PSMD11: variants seen among roughly 807,000 people sequenced by gnomAD.
PSMD11 encodes 26S proteasome non-ATPase regulatory subunit 11.
PSMD11 carries 5 observed loss-of-function variants against 62.3 expected under a neutral mutation model. That is an observed-to-expected ratio of 0.08 (90% CI 0.04 to 0.17). PSMD11 has a LOEUF of 0.17. Ranked by LOEUF, PSMD11 falls within the 10% of genes least tolerant of loss-of-function variation. The probability of loss-of-function intolerance (pLI) is 1.00; values close to 1 mark genes in which losing one functional copy is unlikely to be tolerated. For missense variants in PSMD11, 310 were observed against 512.9 expected, an observed-to-expected ratio of 0.60 and a Z score of 3.82; for synonymous variants, 191 against 191.8, an observed-to-expected ratio of 1.00 and a Z score of 0.03.
intron 6 of PSMD11, among the ~76,000 whole-genome samples, chr17:32,470,561 A>G (rs1320561307): frequency 6.6e-6 from 1 of 152,244 alleles, no homozygotes; most frequent in East Asian, 1.9e-4. Context: ...TGCTAGGATT[A>G]TAGGCATGAG....
At chr17:32,459,115 CATATATATATAT>C (rs10595066) in intron 3 of PSMD11, among the ~76,000 whole-genome samples, 16 of 111,884 alleles carry the variant, frequency 1.4e-4, no homozygotes, top group Admixed American at 3.1e-4. Flanking sequence ...AAAAAAAATA[CATATATATATAT>C]ATATATATAT....
Position 32,477,347 on chromosome 17 carries a change from T to C in PSMD11, c.850-174T>C, listed in dbSNP as rs1908357860. On this transcript the variant is annotated intron_variant, in intron 8 of 13. Coordinates refer to ENST00000261712, the MANE Select transcript of PSMD11 (RefSeq NM_002815.4). ...TTTCAAAGGGAAACAGGTTGGCATA[T>C]AGTGGTATTCAGTACTTGCGGCTCT... 1.3e-5 allele frequency: 6 copies of C among 457,762 alleles called. No homozygotes were observed. In the South Asian group the frequency reaches 2.2e-4, roughly 16 times the overall value. 28.4% of individuals were successfully genotyped at this position (457,762 alleles called of 1,614,324 possible). A position where few individuals can be genotyped will look rare whatever the true frequency, so the allele number is the denominator to read the frequency against.
chr17:32,461,880 G>T (rs1907856170), intron 3 of PSMD11, among the ~76,000 whole-genome samples: 1 of 152,166 alleles, frequency 6.6e-6, no homozygotes, highest in Admixed American at 6.5e-5. Context: ...TATGAGGTCA[G>T]TTGAGTTTAG....
intron 3 of PSMD11, among the ~76,000 whole-genome samples, chr17:32,459,915 C>T (rs1907773117): frequency 6.6e-6 from 1 of 152,154 alleles, no homozygotes; most frequent in African/African-American, 2.4e-5. Flanking sequence ...GTGTGAGCCA[C>T]CACACCCGGC....
At chr17:32,476,921 T>A (rs1908343332) in intron 8 of PSMD11, 1 of 152,254 alleles carries the variant, frequency 6.6e-6, no homozygotes, top group African/African-American at 2.4e-5. Context: ...TCCACCACTA[T>A]GCCCGGCTAA....
chr17:32,462,749 C>T (rs889916552), intron 3 of PSMD11, among the ~76,000 whole-genome samples: 2 of 151,978 alleles, frequency 1.3e-5, no homozygotes, highest in African/African-American at 2.4e-5. Flanking sequence ...TGCAATGGTG[C>T]GATCTCGGCT....
intron 12 of PSMD11, 81 bp from the exon 13 acceptor site, chr17:32,480,408 C>A: frequency 6.5e-7 from 1 of 1,546,400 alleles, no homozygotes; most frequent in South Asian, 1.1e-5. Flanking sequence ...CACAGTGAGT[C>A]AACTAGGGAG....
At chr17:32,445,517 G>A (rs530199119) in intron 1 of PSMD11, 1 of 152,226 alleles carries the variant, frequency 6.6e-6, no homozygotes, top group Admixed American at 6.5e-5. Flanking sequence ...GTCGCTTCCG[G>A]CAGCTTTCTG....
At position 32,480,404 on chromosome 17, in the gene PSMD11, G is replaced by C. The variant is rs1225863592; in HGVS notation, c.1127-85G>C. The C allele has an allele frequency of 3.3e-6, 5 of 1,532,228 alleles. No individual in the cohort carries two copies. In the Middle Eastern group the frequency reaches 6.8e-4, roughly 209 times the overall value. The allele number at this position is 1,532,228 out of a possible 1,614,324, so 94.9% of individuals were successfully genotyped here. On this transcript the variant is annotated intron_variant, in intron 12 of 13. Transcript: ENST00000261712. ...ATTTCCCTTCTTTTCTGGACACAGT[G>C]AGTCAACTAGGGAGTGGGCTGCTTC...
intron 6 of PSMD11, 147 bp from the exon 7 acceptor site, chr17:32,473,654 A>T (rs1908237351): frequency 2.9e-6 from 2 of 698,524 alleles, no homozygotes; most frequent in Non-Finnish European, 4.7e-6. Context: ...GGCTCACATG[A>T]TCCTCCCATC....
At chr17:32,463,290 G>T (rs1276029700) in intron 3 of PSMD11, 1 of 152,172 alleles carries the variant, frequency 6.6e-6, no homozygotes, top group Non-Finnish European at 1.5e-5. Flanking sequence ...TAGGGGTTCA[G>T]AGTGCCTTTA....
intron 1 of PSMD11, chr17:32,444,828 G>C (rs1907277882): frequency 1.7e-6 from 1 of 585,420 alleles, no homozygotes; most frequent in African/African-American, 2.0e-5. Context: ...GGGTCCCCTC[G>C]CCGGCTGCTG....
intron 9 of PSMD11, among the ~76,000 whole-genome samples, chr17:32,478,253 G>C (rs920942352): frequency 5.3e-5 from 8 of 152,226 alleles, no homozygotes; most frequent in Admixed American, 2.6e-4. Flanking sequence ...CCTAGATCCA[G>C]AGAGAAAAAC....
At chr17:32,470,700 T>C (rs1908140521) in intron 6 of PSMD11, among the ~76,000 whole-genome samples, 1 of 152,224 alleles carries the variant, frequency 6.6e-6, no homozygotes, top group Admixed American at 6.6e-5. Flanking sequence ...TTGGGCCTTA[T>C]TTTATTTATT....
At chr17:32,456,990 T>C (rs890445528) in intron 3 of PSMD11, among the ~76,000 whole-genome samples, 2 of 152,168 alleles carry the variant, frequency 1.3e-5, no homozygotes, top group African/African-American at 4.8e-5. Flanking sequence ...TGATCATTTC[T>C]CCTGTTCCTT....
At chr17:32,464,240 G>T in intron 4 of PSMD11, 120 bp downstream of exon 4, 1 of 963,688 alleles carries the variant, frequency 1.0e-6, no homozygotes, top group Non-Finnish European at 1.6e-6. Flanking sequence ...GATACCGAAA[G>T]ATTATTGATG....
intron 1 of PSMD11, chr17:32,445,852 TTGAA>T (rs1465563870): frequency 6.6e-5 from 10 of 152,218 alleles, no homozygotes; most frequent in African/African-American, 2.4e-4. Flanking sequence ...AGGTGTATCT[TTGAA>T]TGATATTGGT....
chr17:32,458,608 C>T (rs906841340), intron 3 of PSMD11, among the ~76,000 whole-genome samples: 1 of 152,222 alleles, frequency 6.6e-6, no homozygotes, highest in Non-Finnish European at 1.5e-5. Context: ...AATACAATCT[C>T]ACTCAGGTGA....
intron 2 of PSMD11, among the ~76,000 whole-genome samples, chr17:32,452,480 C>G (rs930017396): frequency 6.6e-6 from 1 of 152,206 alleles, no homozygotes; most frequent in African/African-American, 2.4e-5. Flanking sequence ...ATGGTTAAAG[C>G]CATTTCAGAA....
Sources: allele counts gnomAD v4.1 joint callset (sites outside exome capture counted in the v4.1 genomes callset), GRCh38; gene constraint gnomAD v4.1.1; transcripts MANE v1.5; gene names NCBI Gene and HGNC (gene_info 2026-07-23, HGNC 2026-07-21).